The following SLC1A1 variants were observed in gnomAD, a reference collection of about 807,000 sequenced individuals.
The protein encoded by SLC1A1 is excitatory amino acid transporter 3.
In SLC1A1, 43 loss-of-function variants were observed where a neutral mutation model predicts 53.3. That is an observed-to-expected ratio of 0.81 (90% CI 0.63 to 1.04). The LOEUF (loss-of-function observed/expected upper bound fraction) is 1.04, where lower values mean the gene tolerates loss of function less well. SLC1A1 is among the 50% of genes least tolerant of loss of function. SLC1A1 has a pLI of 0.00. For synonymous variants in SLC1A1, 307 were observed against 243.2 expected (o/e 1.26, Z -2.44); for missense variants, 748 against 664.9 (o/e 1.12, Z -1.37).
At chr9:4,531,490 G>C (rs1485937247) in intron 1 of SLC1A1, among the ~76,000 whole-genome samples, 1 of 152,178 alleles carries the variant, frequency 6.6e-6, no homozygotes, top group Non-Finnish European at 1.5e-5. Flanking sequence ...AAACTGCAAG[G>C]CAGCAGCGAG....
intron 6 of SLC1A1, among the ~76,000 whole-genome samples, chr9:4,568,709 A>C (rs938264536): frequency 6.6e-6 from 1 of 151,842 alleles, no homozygotes; most frequent in Non-Finnish European, 1.5e-5. Flanking sequence ...AAAAAAAAAA[A>C]AAACATACAC....
chr9:4,538,735 G>A (rs7046262), intron 1 of SLC1A1, among the ~76,000 whole-genome samples: 41,996 of 152,122 alleles, frequency 0.28, 6,867 homozygotes, highest in Admixed American at 0.38. Context: ...CGGAATTCCC[G>A]TGAAGAGCCT....
chr9:4,496,778 C>A (rs1820439651), intron 1 of SLC1A1, among the ~76,000 whole-genome samples: 1 of 152,074 alleles, frequency 6.6e-6, no homozygotes, highest in Non-Finnish European at 1.5e-5. Context: ...GTGCCTGTGG[C>A]CCCAACTACT....
At chr9:4,512,688 G>A (rs1164864195) in intron 1 of SLC1A1, among the ~76,000 whole-genome samples, 1 of 152,084 alleles carries the variant, frequency 6.6e-6, no homozygotes, top group Non-Finnish European at 1.5e-5. Context: ...AATTACTTTT[G>A]CACCAACCTA....
chr9:4,562,815 A>T (rs1292683864), intron 3 of SLC1A1, among the ~76,000 whole-genome samples: 9 of 152,024 alleles, frequency 5.9e-5, no homozygotes, highest in Admixed American at 5.9e-4. Context: ...CCAGTCTATC[A>T]TTGTTGGACA....
intron 1 of SLC1A1, among the ~76,000 whole-genome samples, chr9:4,492,342 C>G (rs962348265): frequency 1.3e-5 from 2 of 152,046 alleles, no homozygotes; most frequent in African/African-American, 4.8e-5. Context: ...GATGCCAGGG[C>G]AAGGTGGCTC....
At position 4,512,545 on chromosome 9, in the gene SLC1A1, G is replaced by T. The variant is rs373249868; in HGVS notation, c.91+21775G>T. 2.9e-4 allele frequency among the ~76,000 whole-genome samples: 44 copies of T among 152,090 alleles called. No individual in the cohort carries two copies. In the East Asian group the frequency reaches 3.3e-3, roughly 11 times the overall value. On this transcript the variant is annotated intron_variant, in intron 1 of 11. Coordinates refer to ENST00000262352, the MANE Select transcript of SLC1A1 (RefSeq NM_004170.6). ...ACAACAAATAAAACTCATATGGAAA[G>T]ATAAAGGCATTAGAAGAGCTAAAAT... is the stretch of plus-strand genomic sequence containing the variant.
chr9:4,527,514 C>T (rs997980809), intron 1 of SLC1A1, among the ~76,000 whole-genome samples: 2 of 152,104 alleles, frequency 1.3e-5, no homozygotes, highest in Non-Finnish European at 2.9e-5. Flanking sequence ...TATCTGAGTA[C>T]TATGATCAAT....
rs1357500098 is a variant in SLC1A1 at position 4,584,000 on chromosome 9, C to T, written c.1328+828C>T. Among the ~76,000 whole-genome samples, 1 of 152,136 alleles carries T rather than the reference C, an allele frequency of 6.6e-6. No individual in the cohort carries two copies. The highest frequency in any genetic ancestry group is 1.5e-5 in the Non-Finnish European group (1 of 68,040). Reference sequence around the variant, plus strand: ...AGAACCAGCCTGGCTCCAAGCTTTACCCTTGATGCCCACTTCTGTGCATGG... The same window carrying T: ...AGAACCAGCCTGGCTCCAAGCTTTATCCTTGATGCCCACTTCTGTGCATGG... On this transcript the variant is annotated intron_variant, in intron 11 of 11. Transcript: ENST00000262352. This position sits in a 1 kb window ranked among gnomAD's most constrained non-coding sequence, Gnocchi z 4.6.
intron 1 of SLC1A1, among the ~76,000 whole-genome samples, chr9:4,496,238 G>A (rs1420143469): frequency 6.6e-6 from 1 of 152,132 alleles, no homozygotes; most frequent in Non-Finnish European, 1.5e-5. Flanking sequence ...GAGGCTCGGG[G>A]GCAGGAGTGA....
intron 1 of SLC1A1, among the ~76,000 whole-genome samples, chr9:4,535,292 G>C (rs1231686468): frequency 6.6e-6 from 1 of 152,144 alleles, no homozygotes; most frequent in Admixed American, 6.5e-5. Flanking sequence ...AGACATGATT[G>C]TGTATCTAGA....
chr9:4,522,158 T>C (rs1406399360), intron 1 of SLC1A1, among the ~76,000 whole-genome samples: 2 of 150,606 alleles, frequency 1.3e-5, no homozygotes, highest in Non-Finnish European at 3.0e-5. Context: ...TTCGTGCCAT[T>C]CTCCTGCCTA....
chr9:4,556,150 A>C lies in SLC1A1; in HGVS notation c.233-5299A>C, dbSNP rs1482233315. On this transcript the variant is annotated intron_variant, in intron 2 of 11. Coordinates refer to ENST00000262352, the MANE Select transcript of SLC1A1 (RefSeq NM_004170.6). The surrounding 1 kb of genome is among the most constrained non-coding windows in gnomAD (Gnocchi z 4.1). ...ATTGCAGGTGCACACCATCACACCCAGCAAATTTGTGTGTGTGTGTGGTTT... is the reference window on the plus strand; with the variant it reads ...ATTGCAGGTGCACACCATCACACCCCGCAAATTTGTGTGTGTGTGTGGTTT... Among the ~76,000 whole-genome samples, 3 of 151,638 alleles carry C rather than the reference A, an allele frequency of 2.0e-5. No homozygotes were observed. The highest frequency in any genetic ancestry group is 2.9e-5 in the Non-Finnish European group (2 of 67,910).
intron 1 of SLC1A1, among the ~76,000 whole-genome samples, chr9:4,533,999 C>T (rs1199286928): frequency 6.6e-6 from 1 of 152,112 alleles, no homozygotes; most frequent in East Asian, 1.9e-4. Flanking sequence ...TAAAGATGTT[C>T]TTTGAAACCA....
At chr9:4,520,143 A>G (rs932955715) in intron 1 of SLC1A1, among the ~76,000 whole-genome samples, 2 of 152,212 alleles carry the variant, frequency 1.3e-5, no homozygotes, top group African/African-American at 4.8e-5. Flanking sequence ...TGAGCTGTTA[A>G]TAAACATGTC....
At chr9:4,491,709 T>C (rs1378342434) in intron 1 of SLC1A1, among the ~76,000 whole-genome samples, 3 of 152,274 alleles carry the variant, frequency 2.0e-5, no homozygotes, top group African/African-American at 7.2e-5. Context: ...GCCTTCCCAG[T>C]GATAGCTCCT....
intron 11 of SLC1A1, 35 bp from the exon 12 acceptor site, chr9:4,585,276 TG>T (rs753057031): frequency 8.7e-6 from 14 of 1,612,106 alleles, no homozygotes; most frequent in Non-Finnish European, 1.0e-5. Flanking sequence ...AAATGAAATC[TG>T]GGCCTCCTGT....
rs559378973 is a variant in SLC1A1 at position 4,545,840 on chromosome 9, T to G, written c.232+1133T>G. Among the ~76,000 whole-genome samples the G allele has an allele frequency of 5.3e-5, 8 of 151,926 alleles. No homozygotes were observed. The East Asian group carries it at 1.3e-3, about 26-fold the overall frequency. On this transcript the variant is annotated intron_variant, in intron 2 of 11. Coordinates refer to ENST00000262352, the MANE Select transcript of SLC1A1 (RefSeq NM_004170.6). ...ATTTGGTTTACAAAAATGTCATTTGTCTGGCTGTGATAAGTTTCTCTGCAT... is the reference window on the plus strand; with the variant it reads ...ATTTGGTTTACAAAAATGTCATTTGGCTGGCTGTGATAAGTTTCTCTGCAT...
chr9:4,515,656 G>C (rs1350360005), intron 1 of SLC1A1, among the ~76,000 whole-genome samples: 1 of 152,114 alleles, frequency 6.6e-6, no homozygotes, highest in African/African-American at 2.4e-5. Flanking sequence ...AGCTGGCTGA[G>C]TTCCTCTAGA....
Sources: gnomAD v4.1 joint callset for allele counts (sites outside exome capture counted in the v4.1 genomes callset) on GRCh38, gnomAD v4.1.1 for gene constraint, Gnocchi (gnomAD v3.1) non-coding constraint, MANE v1.5 for transcripts, NCBI Gene and HGNC (gene_info 2026-07-23, HGNC 2026-07-21) for gene names.